The following SV2B variants were observed in gnomAD, a reference collection of about 807,000 sequenced individuals.
SV2B encodes the protein solute carrier family 22 member B2.
A neutral mutation model predicts 73.9 loss-of-function variants in SV2B; 41 were observed. That is an observed-to-expected ratio of 0.56 (90% CI 0.43 to 0.72). SV2B has a LOEUF of 0.72. Among genes scored for constraint, SV2B ranks in the 30% least tolerant of loss-of-function variants. The probability of loss-of-function intolerance (pLI) is 0.00; values close to 1 mark genes in which losing one functional copy is unlikely to be tolerated. For missense variants in SV2B, 764 were observed against 857.8 expected, an observed-to-expected ratio of 0.89 and a Z score of 1.37; for synonymous variants, 314 against 314.2, an observed-to-expected ratio of 1.00 and a Z score of 0.01.
In SV2B at chr15:91,122,188, C is replaced by T. The variant is rs1413719247; in HGVS notation, c.-392+21825C>T. 6.6e-6 allele frequency among the ~76,000 whole-genome samples: 1 copy of T among 152,210 alleles called. No individual in the cohort carries two copies. Among genetic ancestry groups the T allele is most frequent in the African/African-American group, 2.4e-5 (1 of 41,452 alleles). On this transcript the variant is annotated intron_variant, in intron 1 of 12. Transcript: ENST00000394232. This position sits in a 1 kb window ranked among gnomAD's most constrained non-coding sequence, Gnocchi z 4.3. Reference sequence around the variant, plus strand: ...CTTTGGACTCCCACTATCTCAGCTACTAGAAATGTATTATCTCATCGATAT... The same window carrying T: ...CTTTGGACTCCCACTATCTCAGCTATTAGAAATGTATTATCTCATCGATAT...
At chr15:91,181,543 T>G (rs564796326) in intron 1 of SV2B, among the ~76,000 whole-genome samples, 14 of 151,804 alleles carry the variant, frequency 9.2e-5, no homozygotes, top group African/African-American at 3.1e-4. Context: ...GACTCCTACA[T>G]GAAAGAAGTG....
At position 91,226,381 on chromosome 15, in the gene SV2B, G is replaced by C; in HGVS notation, c.118G>C (p.Asp40His). ...DAQSDVTEGHDEEDEIYEGEY... is the reference protein window; with the variant it reads ...DAQSDVTEGHHEEDEIYEGEY... ...ACAGAGTGATGTCACCGAAGGCCAT[G>C]ATGAGGAAGACGAGATCTATGAGGG... Residue 40 changes from aspartate to histidine, a missense_variant, in exon 2 of 13, where the codon GAT (aspartate) becomes CAT (histidine). Transcript: ENST00000394232. The C allele has an allele frequency of 4.3e-6, 7 of 1,614,186 alleles. No homozygotes were observed. The highest frequency in any genetic ancestry group is 5.9e-6 in the Non-Finnish European group (7 of 1,180,024).
chr15:91,246,087 C>A (rs1209429207), intron 2 of SV2B, among the ~76,000 whole-genome samples: 1 of 150,850 alleles, frequency 6.6e-6, no homozygotes, highest in Admixed American at 6.6e-5. Flanking sequence ...AAAAAAATCC[C>A]CCCTTCAAAG....
intron 1 of SV2B, among the ~76,000 whole-genome samples, chr15:91,162,773 G>C (rs1393018599): frequency 2.6e-5 from 4 of 152,030 alleles, no homozygotes; most frequent in African/African-American, 9.7e-5. Flanking sequence ...TTTTTGTTTT[G>C]TTTTGTTTTT....
At chr15:91,204,862 C>G (rs926045664) in intron 1 of SV2B, among the ~76,000 whole-genome samples, 17 of 152,064 alleles carry the variant, frequency 1.1e-4, no homozygotes, top group African/African-American at 4.1e-4. Flanking sequence ...GGCCCACGTA[C>G]TTTCTTCTAT....
At position 91,226,480 on chromosome 15, in the gene SV2B, A is replaced by T. The variant is rs1464285791; in HGVS notation, c.217A>T (p.Ser73Cys). 1.7e-5 allele frequency: 27 copies of T among 1,614,208 alleles called. No homozygotes were observed. The highest frequency in any genetic ancestry group is 2.3e-5 in the Non-Finnish European group (27 of 1,180,020). ...QAKMAPSRMD[S>C]LRGQTDLMAE... ...CAAGATGGCGCCCTCCAGAATGGACAGCCTTCGGGGCCAGACAGACCTGAT... is the reference window on the plus strand; with the variant it reads ...CAAGATGGCGCCCTCCAGAATGGACTGCCTTCGGGGCCAGACAGACCTGAT... The change falls in exon 2 of 13, where the codon AGC (serine) becomes TGC (cysteine). Residue 73 changes from serine to cysteine, a missense_variant. Physicochemically the swap from Ser to Cys is moderately radical, Grantham distance 112 (BLOSUM62 -1). Transcript: ENST00000394232.
intron 9 of SV2B, among the ~76,000 whole-genome samples, chr15:91,271,719 T>C (rs1038343424): frequency 1.3e-5 from 2 of 152,184 alleles, no homozygotes; most frequent in East Asian, 1.9e-4. Flanking sequence ...ATCTAAGGAA[T>C]GAAAGGAGCC....
rs548291788 is a variant in SV2B, at chr15:91,300,411, G to A, written c.*7859G>A. The A allele has an allele frequency of 1.3e-5, 2 of 152,242 alleles. No individual in the cohort carries two copies. Among genetic ancestry groups the A allele is most frequent in the Admixed American group, 1.3e-4 (2 of 15,286 alleles). The allele number at this position is 152,242 out of a possible 1,614,324, so 9.4% of individuals were successfully genotyped here. A position where few individuals can be genotyped will look rare whatever the true frequency, so the allele number is the denominator to read the frequency against. ...TGAAAGAGATTAAGGTGCAGGGAAG[G>A]GCTCTTAAAAGTTTAATGTTTCAGC... On this transcript the variant is annotated 3_prime_UTR_variant, in exon 13 of 13. Transcript: ENST00000394232.
Position 91,284,358 on chromosome 15 carries a change from C to A in SV2B, c.1708+137C>A. ...CCAACAAGTAAGATTGCACCCAGGGCTATAGAGCCAAGGATGTGTGCCTAC... is the reference window on the plus strand; with the variant it reads ...CCAACAAGTAAGATTGCACCCAGGGATATAGAGCCAAGGATGTGTGCCTAC... On this transcript the variant is annotated intron_variant, in intron 11 of 12. Coordinates refer to ENST00000394232, the MANE Select transcript of SV2B (RefSeq NM_001323032.3). This position sits in a 1 kb window ranked among gnomAD's most constrained non-coding sequence, Gnocchi z 4.5. The A allele has an allele frequency of 1.1e-6, 1 of 942,800 alleles. No individual in the cohort carries two copies. Among genetic ancestry groups the A allele is most frequent in the Non-Finnish European group, 1.6e-6 (1 of 639,708 alleles). The allele number at this position is 942,800 out of a possible 1,614,324, so 58.4% of individuals were successfully genotyped here. A position where few individuals can be genotyped will look rare whatever the true frequency, so the allele number is the denominator to read the frequency against.
rs2042944578 is a variant in SV2B at position 91,139,662 on chromosome 15, G to A, written c.-392+39299G>A. ...AGGCAAAAGCAAATTCTGTCTGAAA[G>A]AGAGCACCCTCCATTTAGGTATGTG... On this transcript the variant is annotated intron_variant, in intron 1 of 12. Transcript: ENST00000394232. This position sits in a 1 kb window ranked among gnomAD's most constrained non-coding sequence, Gnocchi z 5.2. 3.9e-5 allele frequency among the ~76,000 whole-genome samples: 6 copies of A among 152,308 alleles called. No individual in the cohort carries two copies. In the South Asian group the frequency reaches 1.2e-3, roughly 32 times the overall value.
At chr15:91,230,906 G>A (rs761979798) in intron 2 of SV2B, among the ~76,000 whole-genome samples, 10 of 152,178 alleles carry the variant, frequency 6.6e-5, no homozygotes, top group Non-Finnish European at 1.2e-4. Context: ...AGGAAACAAA[G>A]ACAGTGTGAA....
intron 1 of SV2B, among the ~76,000 whole-genome samples, chr15:91,182,706 G>C (rs2044628085): frequency 6.6e-6 from 1 of 152,212 alleles, no homozygotes; most frequent in African/African-American, 2.4e-5. Flanking sequence ...TCTTATGGCA[G>C]AAGTCAGCAG....
At position 91,229,858 on chromosome 15, in the gene SV2B, G is replaced by A. The variant is rs2046507972; in HGVS notation, c.451+3144G>A. ...TTTTATGGTAGACTTCTAAGGTCAA[G>A]CTATCCTGCCTCAGCTGGCGAAAAG... On this transcript the variant is annotated intron_variant, in intron 2 of 12. Coordinates refer to ENST00000394232, the MANE Select transcript of SV2B (RefSeq NM_001323032.3). The surrounding 1 kb of genome is among the most constrained non-coding windows in gnomAD (Gnocchi z 4.3). Among the ~76,000 whole-genome samples, 1 of 152,196 alleles carries A rather than the reference G, an allele frequency of 6.6e-6. No individual in the cohort carries two copies. The highest frequency in any genetic ancestry group is 2.4e-5 in the African/African-American group (1 of 41,464).
At chr15:91,156,115 C>G (rs762510901) in intron 1 of SV2B, among the ~76,000 whole-genome samples, 8 of 152,124 alleles carry the variant, frequency 5.3e-5, no homozygotes, top group Non-Finnish European at 8.8e-5. Flanking sequence ...TTCCAGATCA[C>G]TCCAGGCTGG....
At chr15:91,209,804 T>G (rs182160840) in intron 1 of SV2B, among the ~76,000 whole-genome samples, 522 of 152,310 alleles carry the variant, frequency 3.4e-3, no homozygotes, top group Non-Finnish European at 4.8e-3. Flanking sequence ...GCTCCTGACA[T>G]AAACTACAAG....
intron 1 of SV2B, among the ~76,000 whole-genome samples, chr15:91,181,680 T>G (rs1161585415): frequency 6.6e-6 from 1 of 151,924 alleles, no homozygotes; most frequent in Non-Finnish European, 1.5e-5. Context: ...ATTAACCAAT[T>G]AGATAAACAG....
intron 1 of SV2B, among the ~76,000 whole-genome samples, chr15:91,180,392 G>C (rs1294686273): frequency 1.3e-5 from 2 of 151,812 alleles, no homozygotes; most frequent in Non-Finnish European, 2.9e-5. Flanking sequence ...TCTTCTCGAG[G>C]AGTATCTTTG....
rs1035107111 is a variant in SV2B, at chr15:91,226,308, C to T, written c.45C>T (p.Pro15=). The T allele has an allele frequency of 5.0e-6, 8 of 1,613,998 alleles. No individual in the cohort carries two copies. Among genetic ancestry groups the T allele is most frequent in the African/African-American group, 4.0e-5 (3 of 74,894 alleles). The part of the protein sequence containing the change: ...KYQDNYGGYA[P]SDGYYRGNES... ...AGGACAATTATGGGGGCTATGCTCC[C>T]AGTGATGGCTATTACCGCGGCAATG... The change falls in exon 2 of 13, where the codon CCC becomes CCT. Residue 15 remains proline, a synonymous_variant. Transcript: ENST00000394232.
rs2047193652 is a variant in SV2B at position 91,245,665 on chromosome 15, C to T, written c.452-6154C>T. The stretch of plus-strand genomic sequence containing the variant: ...TCGAACTCTCCTCAAGCAAAATCAA[C>T]ATGGTCCCTTCGTCCAGGAGTTTAC... On this transcript the variant is annotated intron_variant, in intron 2 of 12. Coordinates refer to ENST00000394232, the MANE Select transcript of SV2B (RefSeq NM_001323032.3). This position sits in a 1 kb window ranked among gnomAD's most constrained non-coding sequence, Gnocchi z 4.2. 2.6e-5 allele frequency among the ~76,000 whole-genome samples: 4 copies of T among 152,196 alleles called. No individual in the cohort carries two copies. Among genetic ancestry groups the T allele is most frequent in the Admixed American group, 2.6e-4 (4 of 15,282 alleles).
Sources: gnomAD v4.1 joint callset for allele counts (sites outside exome capture counted in the v4.1 genomes callset) on GRCh38, gnomAD v4.1.1 for gene constraint, Gnocchi (gnomAD v3.1) non-coding constraint, MANE v1.5 for transcripts, NCBI Gene and HGNC (gene_info 2026-07-23, HGNC 2026-07-21) for gene names.